The following STX8 variants were observed in gnomAD, a reference collection of about 807,000 sequenced individuals.
The protein encoded by STX8 is syntaxin-8.
A neutral mutation model predicts 37.5 loss-of-function variants in STX8; 23 were observed. The ratio of observed to expected loss-of-function variants is 0.61; its 90% CI spans 0.44 to 0.87. The LOEUF is 0.87. STX8 is among the 40% of genes least tolerant of loss of function. STX8 has a pLI of 0.00. For synonymous variants in STX8, 115 were observed against 99.1 expected (o/e 1.16, Z -0.95); for missense variants, 313 against 284.7 (o/e 1.10, Z -0.71).
At chr17:9,517,609 CTTG>C (rs764011370) in intron 4 of STX8, among the ~76,000 whole-genome samples, 3 of 152,090 alleles carry the variant, frequency 2.0e-5, no homozygotes, top group Non-Finnish European at 4.4e-5. Context: ...CAGCCCACAT[CTTG>C]TGATTCTTAA....
intron 7 of STX8, among the ~76,000 whole-genome samples, chr17:9,319,354 G>A (rs1249070552): frequency 6.6e-6 from 1 of 152,150 alleles, no homozygotes; most frequent in Non-Finnish European, 1.5e-5. Flanking sequence ...GGGAGGCAGA[G>A]GTTGCAGTGA....
intron 7 of STX8, among the ~76,000 whole-genome samples, chr17:9,261,765 T>G (rs1047496361): frequency 2.6e-5 from 4 of 152,128 alleles, no homozygotes; most frequent in South Asian, 2.1e-4. Flanking sequence ...GCCAATAATT[T>G]AATGCCAATT....
intron 6 of STX8, among the ~76,000 whole-genome samples, chr17:9,451,845 A>G (rs1034820672): frequency 6.6e-6 from 1 of 152,134 alleles, no homozygotes; most frequent in Non-Finnish European, 1.5e-5. Flanking sequence ...ACGGAACAAA[A>G]GTTTCACTGC....
At chr17:9,401,841 A>G (rs1912630788) in intron 6 of STX8, among the ~76,000 whole-genome samples, 1 of 152,224 alleles carries the variant, frequency 6.6e-6, no homozygotes, top group Admixed American at 6.5e-5. Context: ...AGTAACTTGA[A>G]GAGGTTTTCT....
intron 2 of STX8, among the ~76,000 whole-genome samples, chr17:9,560,816 C>G (rs1315442574): frequency 6.6e-6 from 1 of 150,946 alleles, no homozygotes; most frequent in East Asian, 2.0e-4. Context: ...AAAATAAAAA[C>G]CATGAATATG....
At chr17:9,410,908 A>G (rs1330041539) in intron 6 of STX8, among the ~76,000 whole-genome samples, 2 of 152,236 alleles carry the variant, frequency 1.3e-5, no homozygotes, top group Non-Finnish European at 2.9e-5. Context: ...TAGTCTCAAA[A>G]AATCTCAACT....
chr17:9,250,932 C>T (rs1906553020), intron 7 of STX8, among the ~76,000 whole-genome samples: 1 of 152,112 alleles, frequency 6.6e-6, no homozygotes, highest in African/African-American at 2.4e-5. Context: ...CTGTGTACAC[C>T]TTGGACCACA....
At chr17:9,306,706 A>T (rs763771359) in intron 7 of STX8, among the ~76,000 whole-genome samples, 18 of 151,368 alleles carry the variant, frequency 1.2e-4, no homozygotes, top group Admixed American at 3.3e-4. Context: ...CGGAGGTTGC[A>T]GTGAGCCCAG....
chr17:9,477,388 G>A (rs571875184), intron 6 of STX8, among the ~76,000 whole-genome samples: 4 of 152,124 alleles, frequency 2.6e-5, no homozygotes, highest in Admixed American at 2.6e-4. Flanking sequence ...ACCTAGAGAA[G>A]AAACAGAAAT....
chr17:9,256,825 C>T (rs1906816405), intron 7 of STX8, among the ~76,000 whole-genome samples: 1 of 152,222 alleles, frequency 6.6e-6, no homozygotes, highest in Non-Finnish European at 1.5e-5. Flanking sequence ...GTGTGAAAAG[C>T]AGAACTTCCT....
chr17:9,270,340 T>A (rs1450918418), intron 7 of STX8, among the ~76,000 whole-genome samples: 1 of 152,120 alleles, frequency 6.6e-6, no homozygotes, highest in African/African-American at 2.4e-5. Context: ...CGCCGTCTCC[T>A]GGGTTCACGC....
intron 6 of STX8, among the ~76,000 whole-genome samples, chr17:9,437,016 G>C (rs774809910): frequency 5.9e-5 from 9 of 152,140 alleles, no homozygotes; most frequent in Non-Finnish European, 1.3e-4. Flanking sequence ...GTATTATGAA[G>C]CATAAATCAT....
At chr17:9,419,954 T>C (rs1913362533) in intron 6 of STX8, among the ~76,000 whole-genome samples, 1 of 152,346 alleles carries the variant, frequency 6.6e-6, no homozygotes, top group East Asian at 1.9e-4. Flanking sequence ...TCATTGTTCA[T>C]TTGACTAAAC....
intron 6 of STX8, among the ~76,000 whole-genome samples, chr17:9,402,981 T>C (rs1393682450): frequency 1.3e-5 from 2 of 152,190 alleles, no homozygotes; most frequent in African/African-American, 4.8e-5. Flanking sequence ...TTCGGTCTGG[T>C]GACTGCCTCG....
At chr17:9,324,099 C>G (rs552448916) in intron 7 of STX8, among the ~76,000 whole-genome samples, 1 of 147,260 alleles carries the variant, frequency 6.8e-6, no homozygotes, top group African/African-American at 2.6e-5. Flanking sequence ...CTCTCTCTCT[C>G]TCTCTCTCTG....
rs147536078 is a variant in STX8, at chr17:9,368,286, C to T, written c.643+10266G>A. Among the ~76,000 whole-genome samples the T allele has an allele frequency of 1.1e-3, 172 of 152,182 alleles. 1 individual carries two copies. The highest frequency in any genetic ancestry group is 3.7e-3 in the African/African-American group (153 of 41,550). ...TTGGGAGGCCGAGGAGGGCCAATCA[C>T]GAGGTCAGGAGATCGAGACCATCCT... On this transcript the variant is annotated intron_variant, in intron 7 of 7. Transcript: ENST00000306357.
At chr17:9,458,633 T>C (rs553664391) in intron 6 of STX8, among the ~76,000 whole-genome samples, 1 of 152,330 alleles carries the variant, frequency 6.6e-6, no homozygotes, top group East Asian at 1.9e-4. Flanking sequence ...TCTCGTGCTC[T>C]TGTTCCTCAA....
intron 6 of STX8, among the ~76,000 whole-genome samples, chr17:9,381,954 G>A (rs1911838126): frequency 6.6e-6 from 1 of 151,792 alleles, no homozygotes; most frequent in Non-Finnish European, 1.5e-5. Flanking sequence ...GGGTGACAGA[G>A]CAAGACTCTG....
chr17:9,459,336 A>T (rs944627875), intron 6 of STX8, among the ~76,000 whole-genome samples: 1 of 152,178 alleles, frequency 6.6e-6, no homozygotes, highest in African/African-American at 2.4e-5. Flanking sequence ...GAGGAGGAGG[A>T]GGTGCTGCTC....
Sources: gnomAD v4.1 joint callset for allele counts (sites outside exome capture counted in the v4.1 genomes callset) on GRCh38, gnomAD v4.1.1 for gene constraint, MANE v1.5 for transcripts, NCBI Gene and HGNC (gene_info 2026-07-23, HGNC 2026-07-21) for gene names.